The following CNTN4 variants were observed in gnomAD, a reference collection of about 807,000 sequenced individuals.
CNTN4 encodes contactin 4.
In CNTN4, 77 loss-of-function variants were observed where a neutral mutation model predicts 122.5. The observed-to-expected ratio is 0.63, with a 90% CI of 0.52 to 0.76. The LOEUF is 0.76. CNTN4 is among the 30% of genes least tolerant of loss of function. The probability of loss-of-function intolerance (pLI) is 0.00; values close to 1 mark genes in which losing one functional copy is unlikely to be tolerated. For missense variants in CNTN4, 1,256 were observed against 1,259.1 expected, an observed-to-expected ratio of 1.00 and a Z score of 0.04; for synonymous variants, 512 against 447.0, an observed-to-expected ratio of 1.15 and a Z score of -1.83.
At chr3:2,753,268 G>T (rs1355128415) in intron 6 of CNTN4, among the ~76,000 whole-genome samples, 1 of 152,114 alleles carries the variant, frequency 6.6e-6, no homozygotes, top group East Asian at 1.9e-4. Context: ...CTTGAACAAG[G>T]TACTTTTTTC....
At chr3:3,011,907 G>C (rs1194631256) in intron 14 of CNTN4, among the ~76,000 whole-genome samples, 1 of 117,234 alleles carries the variant, frequency 8.5e-6, no homozygotes, top group Non-Finnish European at 1.8e-5. Flanking sequence ...TGACAGTGAT[G>C]ATGAGGATGA....
chr3:2,995,806 A>G (rs1387717893), intron 14 of CNTN4, among the ~76,000 whole-genome samples: 2 of 152,158 alleles, frequency 1.3e-5, no homozygotes, highest in African/African-American at 2.4e-5. Context: ...AGAAATTGCA[A>G]TAGATACTGT....
chr3:3,038,663 G>A (rs1403760333), intron 18 of CNTN4, among the ~76,000 whole-genome samples: 2 of 152,210 alleles, frequency 1.3e-5, no homozygotes, highest in African/African-American at 4.8e-5. Context: ...TCGGCCTCTA[G>A]GGATGGAGCT....
At chr3:2,114,531 G>A (rs954726159) in intron 2 of CNTN4, among the ~76,000 whole-genome samples, 7 of 152,130 alleles carry the variant, frequency 4.6e-5, no homozygotes, top group Admixed American at 4.6e-4. Flanking sequence ...GAGGAAAAAT[G>A]GCAAGTTTGG....
At chr3:2,407,382 T>C (rs1407117780) in intron 3 of CNTN4, among the ~76,000 whole-genome samples, 1 of 152,200 alleles carries the variant, frequency 6.6e-6, no homozygotes, top group Non-Finnish European at 1.5e-5. Context: ...AGGAATTTTT[T>C]TTTTCTTTTT....
At chr3:2,206,283 TCTAA>T (rs1458639200) in intron 2 of CNTN4, among the ~76,000 whole-genome samples, 3 of 152,120 alleles carry the variant, frequency 2.0e-5, no homozygotes, top group Non-Finnish European at 4.4e-5. Flanking sequence ...ACTCATCATG[TCTAA>T]CTTTCTTTGA....
intron 3 of CNTN4, among the ~76,000 whole-genome samples, chr3:2,369,959 T>G (rs532815006): frequency 6.6e-6 from 1 of 152,240 alleles, no homozygotes; most frequent in Non-Finnish European, 1.5e-5. Flanking sequence ...TTGTCCATAT[T>G]GATACTCTGT....
chr3:2,259,217 G>A (rs1052446036), intron 2 of CNTN4, among the ~76,000 whole-genome samples: 1 of 152,078 alleles, frequency 6.6e-6, no homozygotes, highest in Non-Finnish European at 1.5e-5. Context: ...GTCAGTCAGT[G>A]AACATAAATA....
At chr3:2,150,114 C>A (rs901227533) in intron 2 of CNTN4, among the ~76,000 whole-genome samples, 2 of 152,080 alleles carry the variant, frequency 1.3e-5, no homozygotes, top group African/African-American at 2.4e-5. Context: ...TGTGAGCATT[C>A]AGTAAACTGA....
chr3:2,853,799 G>T (rs1252249607), intron 7 of CNTN4, among the ~76,000 whole-genome samples: 1 of 123,656 alleles, frequency 8.1e-6, no homozygotes, highest in Admixed American at 8.9e-5. Context: ...AAAAATCTCT[G>T]ATTGGCTGAT....
intron 3 of CNTN4, among the ~76,000 whole-genome samples, chr3:2,464,075 G>A (rs1283013492): frequency 6.6e-6 from 1 of 152,132 alleles, no homozygotes; most frequent in African/African-American, 2.4e-5. Flanking sequence ...ATTGCACCAA[G>A]TTTGATTTCT....
rs1229216469 is a variant in CNTN4 at position 2,170,899 on chromosome 3, G to GA, written c.-145+70266dup. On this transcript the variant is annotated intron_variant, in intron 2 of 24. Coordinates refer to ENST00000418658, the MANE Select transcript of CNTN4 (RefSeq NM_175607.3). ...ATGGATTGATAACTCAGCAAATACT[G>GA]AAAAAATGGTCTATTTTAATACTTA... Among the ~76,000 whole-genome samples the GA allele has an allele frequency of 1.2e-4, 19 of 152,136 alleles. 1 individual carries two copies. The East Asian group carries it at 3.3e-3, about 26-fold the overall frequency.
intron 4 of CNTN4, among the ~76,000 whole-genome samples, chr3:2,645,523 C>T (rs2083080509): frequency 6.6e-6 from 1 of 152,074 alleles, no homozygotes; most frequent in Non-Finnish European, 1.5e-5. Flanking sequence ...ATTTGCATAT[C>T]CAATTAATTC....
At chr3:2,678,502 T>C (rs115577078) in intron 4 of CNTN4, among the ~76,000 whole-genome samples, 265 of 152,312 alleles carry the variant, frequency 1.7e-3, no homozygotes, top group African/African-American at 6.0e-3. Flanking sequence ...GCTCCTACTC[T>C]ATGGCGGTGA....
At chr3:2,620,516 T>A (rs1246616107) in intron 4 of CNTN4, among the ~76,000 whole-genome samples, 1 of 152,008 alleles carries the variant, frequency 6.6e-6, no homozygotes. Context: ...TATATATATA[T>A]ATTTATTAAG....
chr3:2,735,625 C>G (rs569903232), intron 4 of CNTN4, among the ~76,000 whole-genome samples: 1 of 152,076 alleles, frequency 6.6e-6, no homozygotes, highest in Non-Finnish European at 1.5e-5. Flanking sequence ...CTTCATAAGA[C>G]GTTGGGAAAA....
chr3:2,368,196 TA>T (rs2045485460), intron 3 of CNTN4, among the ~76,000 whole-genome samples: 1 of 71,658 alleles, frequency 1.4e-5, no homozygotes, highest in East Asian at 3.9e-4. Context: ...CACGCCCAGC[TA>T]ATTTTTTTGT....
chr3:2,190,504 C>CT (rs915429147), intron 2 of CNTN4, among the ~76,000 whole-genome samples: 100 of 149,124 alleles, frequency 6.7e-4, no homozygotes, highest in Non-Finnish European at 9.5e-4. Context: ...AAGATTTCTC[C>CT]TTTTTTTTTT....
At chr3:2,329,219 A>G (rs940199970) in intron 2 of CNTN4, among the ~76,000 whole-genome samples, 1 of 152,232 alleles carries the variant, frequency 6.6e-6, no homozygotes. Flanking sequence ...CATATTTTTT[A>G]AACTATGATT....
Sources: allele counts gnomAD v4.1 joint callset (sites outside exome capture counted in the v4.1 genomes callset), GRCh38; gene constraint gnomAD v4.1.1; transcripts MANE v1.5; gene names NCBI Gene and HGNC (gene_info 2026-07-23, HGNC 2026-07-21).